METTL15: variants seen among roughly 807,000 people sequenced by gnomAD.
METTL15 encodes 12S rRNA N(4)-cytidine methyltransferase METTL15.
In METTL15, 34 loss-of-function variants were observed where a neutral mutation model predicts 38.3. The observed-to-expected ratio is 0.89, with a 90% CI of 0.68 to 1.18. The LOEUF is 1.18. Ranked by LOEUF, METTL15 falls within the 50% of genes most tolerant of loss-of-function variation. METTL15 has a pLI of 0.00. For missense variants in METTL15, 438 were observed against 498.4 expected (o/e 0.88, Z 1.15); for synonymous variants, 162 against 170.9 (o/e 0.95, Z 0.41).
intron 6 of METTL15, among the ~76,000 whole-genome samples, chr11:28,297,528 A>G (rs1416440811): frequency 1.3e-5 from 2 of 152,126 alleles, no homozygotes; most frequent in East Asian, 3.9e-4. Context: ...GAAACATTTC[A>G]TCTTTTCTGC....
chr11:28,348,225 G>A (rs1267576135), intron 3 of METTL15, among the ~76,000 whole-genome samples: 1 of 152,140 alleles, frequency 6.6e-6, no homozygotes, highest in Non-Finnish European at 1.5e-5. Context: ...TGACCTACTA[G>A]TTGTAGTGTC....
chr11:28,236,749 CT>C (rs1854000519), intron 4 of METTL15, among the ~76,000 whole-genome samples: 1 of 152,108 alleles, frequency 6.6e-6, no homozygotes, highest in African/African-American at 2.4e-5. Flanking sequence ...CCAGTTGTGC[CT>C]TTCCATGTTT....
chr11:28,388,875 C>T (rs1301822009), intron 5 of METTL15, among the ~76,000 whole-genome samples: 1 of 151,964 alleles, frequency 6.6e-6, no homozygotes, highest in Non-Finnish European at 1.5e-5. Flanking sequence ...TGTTCCCCTT[C>T]CTGTGTCCAT....
intron 3 of METTL15, among the ~76,000 whole-genome samples, chr11:28,188,053 G>T (rs1179008173): frequency 2.6e-5 from 4 of 151,406 alleles, no homozygotes; most frequent in Middle Eastern, 3.4e-3. Flanking sequence ...CTCATGGCCA[G>T]TAGATCAGGT....
intron 3 of METTL15, among the ~76,000 whole-genome samples, chr11:28,184,612 C>T (rs899114841): frequency 4.6e-5 from 7 of 151,126 alleles, no homozygotes; most frequent in African/African-American, 1.7e-4. Context: ...CGTTTAAATA[C>T]TTAGTACAGT....
In METTL15 at chr11:28,517,282, A is replaced by G. The variant is rs1851727391; in HGVS notation, c.*425-9196A>G. 3.3e-5 allele frequency: 5 copies of G among 152,160 alleles called. No homozygotes were observed. The South Asian group carries it at 1.0e-3, about 32-fold the overall frequency. The allele number at this position is 152,160 out of a possible 1,614,324, so 9.4% of individuals were successfully genotyped here. A position where few individuals can be genotyped will look rare whatever the true frequency, so the allele number is the denominator to read the frequency against. ...CAGCTAAGGAGAGGGAATCACTCCA[A>G]GGGTATTTTTTTTTTTTCTTGAGAT... On this transcript the variant is annotated intron_variant and NMD_transcript_variant, in intron 6 of 7. Transcript: ENST00000532947.
intron 6 of METTL15, among the ~76,000 whole-genome samples, chr11:28,310,091 A>G (rs1266160262): frequency 6.6e-6 from 1 of 152,150 alleles, no homozygotes; most frequent in East Asian, 1.9e-4. Flanking sequence ...CTAGGCACCT[A>G]TGTTTATACC....
chr11:28,306,437 A>G (rs961405092), intron 6 of METTL15, among the ~76,000 whole-genome samples: 4 of 152,084 alleles, frequency 2.6e-5, no homozygotes, highest in Non-Finnish European at 5.9e-5. Flanking sequence ...GGTGGCAGAT[A>G]TTTATCTGAA....
At chr11:28,532,323 A>G in the METTL15 span, among the ~76,000 whole-genome samples, 7 of 152,236 alleles carry the variant, frequency 4.6e-5, no homozygotes, top group African/African-American at 1.4e-4. Flanking sequence ...AAGCAAGTGA[A>G]CATTTTTATT....
At chr11:28,426,475 C>T (rs1426407036) in intron 6 of METTL15, among the ~76,000 whole-genome samples, 2 of 151,960 alleles carry the variant, frequency 1.3e-5, no homozygotes, top group African/African-American at 4.8e-5. Flanking sequence ...GTATTTCTGC[C>T]TCTGTCTTTG....
At chr11:28,511,741 AG>A (rs1400846443) in intron 6 of METTL15, among the ~76,000 whole-genome samples, 1 of 152,216 alleles carries the variant, frequency 6.6e-6, no homozygotes. Context: ...TCATAAAGGC[AG>A]TGTGGACCCA....
At chr11:28,248,058 G>A (rs1219812998) in intron 4 of METTL15, among the ~76,000 whole-genome samples, 1 of 151,932 alleles carries the variant, frequency 6.6e-6, no homozygotes, top group African/African-American at 2.4e-5. Flanking sequence ...AACACTATTT[G>A]GTTTATTCTA....
chr11:28,245,516 C>T (rs1467810995), intron 4 of METTL15, among the ~76,000 whole-genome samples: 1 of 151,966 alleles, frequency 6.6e-6, no homozygotes, highest in African/African-American at 2.4e-5. Flanking sequence ...ACATGAAAAT[C>T]AACGTAGAAC....
chr11:28,255,047 C>T (rs543077686), intron 4 of METTL15, among the ~76,000 whole-genome samples: 15 of 152,032 alleles, frequency 9.9e-5, no homozygotes, highest in East Asian at 3.9e-4. Context: ...ATCTGTAGAT[C>T]GCTTTGGGTA....
At chr11:28,206,059 C>T (rs1187215265) in intron 3 of METTL15, among the ~76,000 whole-genome samples, 4 of 143,722 alleles carry the variant, frequency 2.8e-5, no homozygotes, top group South Asian at 2.2e-4. Flanking sequence ...CTGTAGGTTG[C>T]CTGTTCACTC....
At position 28,116,694 on chromosome 11, in the gene METTL15, T is replaced by C. The variant is rs554358967; in HGVS notation, c.270+3090T>C. ...ATGTGGGTTCTTCATAAAAATATTA[T>C]TTACCTTCTCCTCAGGCAGTATACA... is the stretch of plus-strand genomic sequence containing the variant. On this transcript the variant is annotated intron_variant, in intron 3 of 6. Transcript: ENST00000407364. Among the ~76,000 whole-genome samples the C allele has an allele frequency of 2.0e-5, 3 of 152,354 alleles. No individual in the cohort carries two copies. In the South Asian group the frequency reaches 6.2e-4, roughly 32 times the overall value.
At chr11:28,308,656 T>C (rs983907927) in intron 6 of METTL15, among the ~76,000 whole-genome samples, 6 of 152,292 alleles carry the variant, frequency 3.9e-5, no homozygotes, top group African/African-American at 2.4e-5. Flanking sequence ...ATGCACCCTA[T>C]AATTTGTCTT....
At chr11:28,249,925 C>T (rs368809359) in intron 4 of METTL15, among the ~76,000 whole-genome samples, 1 of 151,962 alleles carries the variant, frequency 6.6e-6, no homozygotes, top group Non-Finnish European at 1.5e-5. Flanking sequence ...TCCCCTATGT[C>T]CATGTGTATT....
chr11:28,315,619 A>G (rs1565248589), intron 6 of METTL15, among the ~76,000 whole-genome samples: 2 of 152,330 alleles, frequency 1.3e-5, no homozygotes, highest in East Asian at 3.9e-4. Context: ...CCCCAAGACA[A>G]TGGGGAAAAT....
Sources: allele counts gnomAD v4.1 joint callset (sites outside exome capture counted in the v4.1 genomes callset), GRCh38; gene constraint gnomAD v4.1.1; transcripts MANE v1.5; gene names NCBI Gene and HGNC (gene_info 2026-07-23, HGNC 2026-07-21).